The following RFX7 variants were observed in gnomAD, a reference collection of about 807,000 sequenced individuals.
The protein encoded by RFX7 is regulatory factor X7.
Under a neutral mutation model 111.8 loss-of-function variants are expected in RFX7, and 26 were observed. The observed-to-expected ratio is 0.23, with a 90% CI of 0.17 to 0.32. RFX7 has a LOEUF of 0.32. RFX7 is among the 10% of genes least tolerant of loss of function. The pLI is 1.00. For missense variants in RFX7, 1,573 were observed against 1,772.9 expected, an observed-to-expected ratio of 0.89 and a Z score of 2.02; for synonymous variants, 624 against 624.4, an observed-to-expected ratio of 1.00 and a Z score of 0.01.
chr15:56,098,681 A>C (rs532558123), intron 8 of RFX7, among the ~76,000 whole-genome samples: 1 of 152,372 alleles, frequency 6.6e-6, no homozygotes, highest in Admixed American at 6.5e-5. Flanking sequence ...GTAAATGTGC[A>C]GAAGCTGAGA....
chr15:56,108,013 T>C (rs557272087), intron 5 of RFX7, among the ~76,000 whole-genome samples: 82 of 152,140 alleles, frequency 5.4e-4, no homozygotes, highest in Non-Finnish European at 9.7e-4. Flanking sequence ...CAGGAAGAAG[T>C]TGAATTTTTG....
intron 3 of RFX7, among the ~76,000 whole-genome samples, chr15:56,147,786 G>A (rs1217558144): frequency 6.6e-6 from 1 of 152,126 alleles, no homozygotes; most frequent in African/African-American, 2.4e-5. Flanking sequence ...TGTTAGCGAG[G>A]ATGGTCTCGA....
chr15:56,243,046 C>T, intron 2 of RFX7, 79 bp downstream of exon 2: 1 of 613,306 alleles, frequency 1.6e-6, no homozygotes, highest in Non-Finnish European at 2.8e-6. Flanking sequence ...CTCCGCTCCC[C>T]CCGCCCGCCG....
rs186608365 is a variant in RFX7 at position 56,178,962 on chromosome 15, C to A, written c.195+308G>T. ...AAAAACTTTTCTCTAAACAAATTCT[C>A]AGAGTTATTAGAATAGAAAAATAAA... On this transcript the variant is annotated intron_variant, in intron 3 of 9. Coordinates refer to ENST00000559447, the MANE Select transcript of RFX7 (RefSeq NM_022841.7). The A allele has an allele frequency of 9.1e-3, 1,436 of 157,088 alleles. 9 individuals are homozygous for A. Among genetic ancestry groups the A allele is most frequent in the Middle Eastern group, 0.016 (5 of 310 alleles). The allele number at this position is 157,088 out of a possible 1,614,324, so 9.7% of individuals were successfully genotyped here. A position where few individuals can be genotyped will look rare whatever the true frequency, so the allele number is the denominator to read the frequency against.
chr15:56,224,144 C>T (rs2043455942), intron 2 of RFX7, among the ~76,000 whole-genome samples: 1 of 151,810 alleles, frequency 6.6e-6, no homozygotes, highest in South Asian at 2.1e-4. Flanking sequence ...AAGTTGAAGG[C>T]ATTCACATTA....
At chr15:56,214,580 T>C (rs1466644078) in intron 2 of RFX7, among the ~76,000 whole-genome samples, 1 of 152,016 alleles carries the variant, frequency 6.6e-6, no homozygotes, top group African/African-American at 2.4e-5. Context: ...CCAGGCGCGG[T>C]GGCGGGCGCC....
At position 56,091,180 on chromosome 15, in the gene RFX7, GAAT is replaced by G. The variant is rs1250145134; in HGVS notation, c.*2162_*2164del. 1 of 152,512 alleles carries G rather than the reference GAAT, an allele frequency of 6.6e-6. No individual in the cohort carries two copies. The highest frequency in any genetic ancestry group is 1.5e-5 in the Non-Finnish European group (1 of 67,960). 9.4% of individuals were successfully genotyped at this position (152,512 alleles called of 1,614,324 possible). ...CCTGCTGTAATATTCTCATGTAAGA[GAAT>G]AATAGAAATATCTCATTGAGATCAA... On this transcript the variant is annotated 3_prime_UTR_variant, in exon 10 of 10. Coordinates refer to ENST00000559447, the MANE Select transcript of RFX7 (RefSeq NM_022841.7).
intron 2 of RFX7, among the ~76,000 whole-genome samples, chr15:56,219,733 T>C (rs1260624809): frequency 6.6e-6 from 1 of 152,238 alleles, no homozygotes; most frequent in Non-Finnish European, 1.5e-5. Context: ...CCATAGTGTA[T>C]GTTTACCACA....
chr15:56,148,190 A>G lies in RFX7; in HGVS notation c.196-3707T>C, dbSNP rs578135848. ...TATTAAAAAGGAATCTTTGAACTCAAGTTTGATTTATATGTCAAACACATT... is the reference window on the plus strand; with the variant it reads ...TATTAAAAAGGAATCTTTGAACTCAGGTTTGATTTATATGTCAAACACATT... On this transcript the variant is annotated intron_variant, in intron 3 of 9. Coordinates refer to ENST00000559447, the MANE Select transcript of RFX7 (RefSeq NM_022841.7). Among the ~76,000 whole-genome samples the G allele has an allele frequency of 5.9e-5, 9 of 152,322 alleles. No homozygotes were observed. In the East Asian group the frequency reaches 1.5e-3, roughly 26 times the overall value.
intron 3 of RFX7, among the ~76,000 whole-genome samples, chr15:56,164,052 T>C (rs776751060): frequency 6.6e-6 from 1 of 152,128 alleles, no homozygotes; most frequent in African/African-American, 2.4e-5. Context: ...GATTAAAGAG[T>C]GCATGTCATG....
intron 2 of RFX7, among the ~76,000 whole-genome samples, chr15:56,239,326 T>C (rs2043660615): frequency 6.6e-6 from 1 of 151,842 alleles, no homozygotes; most frequent in African/African-American, 2.4e-5. Context: ...TGGAGTGCAA[T>C]GGTGCAATCT....
intron 3 of RFX7, among the ~76,000 whole-genome samples, chr15:56,172,927 C>T (rs2042861299): frequency 6.6e-6 from 1 of 152,140 alleles, no homozygotes; most frequent in African/African-American, 2.4e-5. Context: ...CATCTCAAAA[C>T]ATGAACAAAA....
intron 2 of RFX7, among the ~76,000 whole-genome samples, chr15:56,215,581 G>A (rs2043355765): frequency 6.6e-6 from 1 of 151,914 alleles, no homozygotes; most frequent in Non-Finnish European, 1.5e-5. Context: ...ATACACTTGT[G>A]GCTTCAATTT....
Position 56,099,967 on chromosome 15 carries a change from T to C in RFX7, c.811+1392A>G, listed in dbSNP as rs972696844. On this transcript the variant is annotated intron_variant, in intron 8 of 9. Transcript: ENST00000559447. Reference sequence around the variant, plus strand: ...AAAGAGATGTTTCTTTTCCCCATGATACCTCCTAAATCCTTCATCTGTTGA... The same window carrying C: ...AAAGAGATGTTTCTTTTCCCCATGACACCTCCTAAATCCTTCATCTGTTGA... Among the ~76,000 whole-genome samples the C allele has an allele frequency of 3.3e-5, 5 of 152,246 alleles. No individual in the cohort carries two copies. The South Asian group carries it at 1.0e-3, about 32-fold the overall frequency.
intron 5 of RFX7, among the ~76,000 whole-genome samples, chr15:56,125,633 G>A (rs1369634012): frequency 2.0e-5 from 3 of 151,392 alleles, no homozygotes; most frequent in Non-Finnish European, 4.4e-5. Context: ...GTGTGTGTGT[G>A]TGTGTGTGTG....
At chr15:56,195,391 TTA>T (rs1264734342) in intron 2 of RFX7, among the ~76,000 whole-genome samples, 4 of 152,184 alleles carry the variant, frequency 2.6e-5, no homozygotes, top group African/African-American at 7.2e-5. Context: ...TGGTTAATTT[TTA>T]TGTTATTAAT....
chr15:56,094,014 G>T lies in RFX7; in HGVS notation c.3714C>A (p.Asn1238Lys). ...LTVMMQTAFP[N>K]ALQKQANSKK... ...TACTGTTTGCTTGCTTCTGAAGAGC[G>T]TTTGGGAAGGCTGTCTGCATCATGA... is the stretch of plus-strand genomic sequence containing the variant. Residue 1238 changes from asparagine (N) to lysine (K), a missense_variant, in exon 10 of 10, where the codon AAC becomes AAA. Physicochemically the swap from Asn to Lys is moderately conservative, Grantham distance 94. This residue lies in a region of RFX7 where 411 missense variants were observed against 478.1 expected (regional missense o/e 0.86). Coordinates refer to ENST00000559447, the MANE Select transcript of RFX7 (RefSeq NM_022841.7). 6.2e-7 allele frequency: 1 copy of T among 1,613,960 alleles called. No individual in the cohort carries two copies. Among genetic ancestry groups the T allele is most frequent in the Non-Finnish European group, 8.5e-7 (1 of 1,179,860 alleles).
chr15:56,220,124 G>A (rs2043408454), intron 2 of RFX7, among the ~76,000 whole-genome samples: 1 of 152,068 alleles, frequency 6.6e-6, no homozygotes, highest in African/African-American at 2.4e-5. Context: ...TTTCTCTAAT[G>A]ATTAGTGATG....
At chr15:56,175,958 T>C (rs1009998035) in intron 3 of RFX7, among the ~76,000 whole-genome samples, 9 of 152,126 alleles carry the variant, frequency 5.9e-5, no homozygotes, top group Non-Finnish European at 4.4e-5. Flanking sequence ...TACTGAACTT[T>C]AGGTAGTAGT....
Sources: gnomAD v4.1 joint callset for allele counts (sites outside exome capture counted in the v4.1 genomes callset) on GRCh38, gnomAD v4.1.1 for gene constraint, gnomAD v4.1.1 regional missense constraint, MANE v1.5 for transcripts, NCBI Gene and HGNC (gene_info 2026-07-23, HGNC 2026-07-21) for gene names.